The following PCGF5 variants were observed in gnomAD, a reference collection of about 807,000 sequenced individuals.
PCGF5 encodes the protein polycomb group RING finger protein 5.
Under a neutral mutation model 44.3 loss-of-function variants are expected in PCGF5, and 9 were observed. The ratio of observed to expected loss-of-function variants is 0.20; its 90% CI spans 0.12 to 0.35. PCGF5 has a LOEUF of 0.35. PCGF5 is among the 10% of genes least tolerant of loss of function. The pLI is 1.00. For missense variants in PCGF5, 146 were observed against 305.3 expected (o/e 0.48, Z 3.89); for synonymous variants, 95 against 102.5 (o/e 0.93, Z 0.44).
chr10:91,161,685 G>A (rs1843386862), upstream of PCGF5, among the ~76,000 whole-genome samples: 1 of 152,192 alleles, frequency 6.6e-6, no homozygotes, highest in Non-Finnish European at 1.5e-5. Flanking sequence ...GAGATATAGA[G>A]ACGCAGGAAA....
intron 5 of PCGF5, among the ~76,000 whole-genome samples, chr10:91,250,805 T>G (rs1016895417): frequency 2.0e-5 from 3 of 151,418 alleles, no homozygotes; most frequent in Non-Finnish European, 4.4e-5. Context: ...ATTATACTCG[T>G]TTTTTTTCAC....
chr10:91,165,592 A>T (rs1392035513), intron 1 of PCGF5, among the ~76,000 whole-genome samples: 1 of 152,190 alleles, frequency 6.6e-6, no homozygotes, highest in East Asian at 1.9e-4. Flanking sequence ...GGCTCAAGTG[A>T]TCCAATATGA....
chr10:91,178,053 ACT>A (rs1167769139), intron 1 of PCGF5, among the ~76,000 whole-genome samples: 1 of 152,204 alleles, frequency 6.6e-6, no homozygotes, highest in East Asian at 1.9e-4. Context: ...TCATCTTGGA[ACT>A]GTCCCTGGAA....
intron 2 of PCGF5, among the ~76,000 whole-genome samples, chr10:91,233,592 A>G (rs1845070928): frequency 6.6e-6 from 1 of 152,202 alleles, no homozygotes. Context: ...TCATTATACA[A>G]ATAAAACAAG....
upstream of PCGF5, among the ~76,000 whole-genome samples, chr10:91,161,782 C>T (rs1393066618): frequency 6.6e-6 from 1 of 152,166 alleles, no homozygotes; most frequent in Non-Finnish European, 1.5e-5. Context: ...TTGATAAAGA[C>T]TCCTGAACTT....
At chr10:91,185,829 G>C (rs1337398585) in intron 1 of PCGF5, among the ~76,000 whole-genome samples, 10 of 152,030 alleles carry the variant, frequency 6.6e-5, no homozygotes, top group Non-Finnish European at 1.5e-4. Context: ...AGATTCCCTT[G>C]ACTCCGTGTG....
chr10:91,217,216 G>A (rs1436237118), upstream of PCGF5, among the ~76,000 whole-genome samples: 16 of 152,234 alleles, frequency 1.1e-4, no homozygotes, highest in East Asian at 2.9e-3. Flanking sequence ...TGTATTTTTA[G>A]TAGAAAAGGA....
intron 1 of PCGF5, among the ~76,000 whole-genome samples, chr10:91,222,291 G>T (rs1844704746): frequency 6.6e-6 from 1 of 152,194 alleles, no homozygotes; most frequent in Non-Finnish European, 1.5e-5. Flanking sequence ...CTCGTAACTG[G>T]ATGAAGGGTT....
chr10:91,238,619 T>TCTTTC (rs1564645069), intron 2 of PCGF5, among the ~76,000 whole-genome samples: 5 of 137,602 alleles, frequency 3.6e-5, no homozygotes, highest in Admixed American at 7.2e-5. Context: ...TTTTTTTTTT[T>TCTTTC]TTTTTTTTTT....
chr10:91,218,910 G>A (rs1369057481), upstream of PCGF5, among the ~76,000 whole-genome samples: 3 of 152,310 alleles, frequency 2.0e-5, no homozygotes, highest in South Asian at 4.1e-4. Flanking sequence ...TTACAGGCAT[G>A]AGCCACCGTG....
intron 6 of PCGF5, among the ~76,000 whole-genome samples, chr10:91,254,530 T>A (rs967820460): frequency 4.6e-5 from 7 of 152,036 alleles, no homozygotes; most frequent in African/African-American, 1.7e-4. Context: ...TATCTTTTTT[T>A]TATATGTGTG....
Position 91,222,913 on chromosome 10 carries a change from T to C in PCGF5, c.42T>C (p.Pro14=). 1 of 1,613,700 alleles carries C rather than the reference T, an allele frequency of 6.2e-7. No individual in the cohort carries two copies. The highest frequency in any genetic ancestry group is 8.5e-7 in the Non-Finnish European group (1 of 1,179,566). The change falls in exon 2 of 10, where the codon CCT becomes CCC. Residue 14 remains proline (P), a synonymous_variant. Coordinates refer to ENST00000336126, the MANE Select transcript of PCGF5 (RefSeq NM_032373.5). ...AACACTTGGTGAAAGATTTTAATCC[T>C]TACATTACCTGCTATATCTGTAAAG... The part of the protein sequence containing the change: ...QRKHLVKDFN[P]YITCYICKGY...
chr10:91,234,988 G>T (rs1480281364), intron 2 of PCGF5, among the ~76,000 whole-genome samples: 1 of 152,112 alleles, frequency 6.6e-6, no homozygotes, highest in Non-Finnish European at 1.5e-5. Flanking sequence ...TGTCATAATG[G>T]TTTCTTAATG....
intron 1 of PCGF5, among the ~76,000 whole-genome samples, chr10:91,213,189 A>G (rs1038960802): frequency 6.6e-6 from 1 of 152,236 alleles, no homozygotes; most frequent in Non-Finnish European, 1.5e-5. Flanking sequence ...ACTGGCATGA[A>G]TAGTTATTAA....
chr10:91,275,661 G>T (rs1249706208), intron 9 of PCGF5, among the ~76,000 whole-genome samples: 2 of 148,944 alleles, frequency 1.3e-5, no homozygotes, highest in Non-Finnish European at 1.5e-5. Context: ...CACCGTGTTG[G>T]CCAGGATGTT....
At chr10:91,276,412 G>A (rs1260183216) in intron 9 of PCGF5, among the ~76,000 whole-genome samples, 1 of 152,144 alleles carries the variant, frequency 6.6e-6, no homozygotes, top group Admixed American at 6.5e-5. Flanking sequence ...GGTCTATTTA[G>A]TGCAGTCACT....
rs1361281962 is a variant in PCGF5, at chr10:91,242,505, T to G, written c.209+1925T>G. On this transcript the variant is annotated intron_variant, in intron 3 of 9. Coordinates refer to ENST00000336126, the MANE Select transcript of PCGF5 (RefSeq NM_032373.5). The stretch of plus-strand genomic sequence containing the variant: ...CACATCATAAGGCAATTTATCTTAA[T>G]CTTTTGATTCTGACCATTAGATACC... Among the ~76,000 whole-genome samples the G allele has an allele frequency of 2.0e-5, 3 of 152,182 alleles. No individual in the cohort carries two copies. In the East Asian group the frequency reaches 5.8e-4, roughly 29 times the overall value.
intron 1 of PCGF5, among the ~76,000 whole-genome samples, chr10:91,179,316 A>G (rs1225825918): frequency 6.6e-6 from 1 of 152,134 alleles, no homozygotes; most frequent in Middle Eastern, 3.2e-3. Flanking sequence ...CAGGGAGCCA[A>G]TATTTGTTTC....
chr10:91,160,810 T>G (rs950304703), upstream of PCGF5, among the ~76,000 whole-genome samples: 1 of 152,176 alleles, frequency 6.6e-6, no homozygotes, highest in Non-Finnish European at 1.5e-5. Flanking sequence ...GAGAGAATTC[T>G]AGGCCTCGGG....
Sources: allele counts gnomAD v4.1 joint callset (sites outside exome capture counted in the v4.1 genomes callset), GRCh38; gene constraint gnomAD v4.1.1; transcripts MANE v1.5; gene names NCBI Gene and HGNC (gene_info 2026-07-23, HGNC 2026-07-21).